The following MRPS27 variants were observed in gnomAD, a reference collection of about 807,000 sequenced individuals.
MRPS27 encodes mitochondrial ribosomal protein S27, also known as small ribosomal subunit protein mS27.
MRPS27 carries 43 observed loss-of-function variants against 48.9 expected under a neutral mutation model. That is an observed-to-expected ratio of 0.88 (90% CI 0.69 to 1.13). The LOEUF is 1.13. MRPS27 is among the 50% of genes most tolerant of loss of function. The probability of loss-of-function intolerance (pLI) is 0.00; values close to 1 mark genes in which losing one functional copy is unlikely to be tolerated. For missense variants in MRPS27, 467 were observed against 476.3 expected, an observed-to-expected ratio of 0.98 and a Z score of 0.18; for synonymous variants, 188 against 171.9, an observed-to-expected ratio of 1.09 and a Z score of -0.73.
At chr5:72,305,549 C>T (rs1053483126) in intron 2 of MRPS27, among the ~76,000 whole-genome samples, 2 of 152,188 alleles carry the variant, frequency 1.3e-5, no homozygotes, top group Non-Finnish European at 2.9e-5. Context: ...ACCAACAAAC[C>T]AAGAGAAACC....
At chr5:72,240,051 G>C (rs1036433707) in intron 4 of MRPS27, among the ~76,000 whole-genome samples, 3 of 152,198 alleles carry the variant, frequency 2.0e-5, no homozygotes, top group African/African-American at 4.8e-5. Flanking sequence ...TCATCAGCCT[G>C]TAAGTTCCTG....
At chr5:72,281,948 A>C (rs1749545545) in intron 4 of MRPS27, among the ~76,000 whole-genome samples, 1 of 152,196 alleles carries the variant, frequency 6.6e-6, no homozygotes, top group African/African-American at 2.4e-5. Flanking sequence ...CATGTGCTGT[A>C]ATGATCTGGT....
At position 72,244,826 on chromosome 5, in the gene MRPS27, T is replaced by C. The variant is rs79537321; in HGVS notation, c.282-6698A>G. Among the ~76,000 whole-genome samples, 563 of 152,226 alleles carry C rather than the reference T, an allele frequency of 3.7e-3. 1 individual carries two copies. Among genetic ancestry groups the C allele is most frequent in the African/African-American group, 0.013 (547 of 41,540 alleles). On this transcript the variant is annotated intron_variant, in intron 4 of 10. Transcript: ENST00000261413. ...ATCTTAAAGATGACATCTCTCCCTT[T>C]CTGATACAGAAAAAATACCTATAGA...
In MRPS27 at chr5:72,320,156, A is replaced by G. The variant is rs771032300; in HGVS notation, c.66T>C (p.Ser22=). The G allele has an allele frequency of 9.3e-6, 15 of 1,613,876 alleles. No homozygotes were observed. Among genetic ancestry groups the G allele is most frequent in the Middle Eastern group, 1.6e-4 (1 of 6,084 alleles). Residue 22 remains serine, a synonymous_variant, in exon 1 of 11, where the codon TCT becomes TCC. Coordinates refer to ENST00000261413, the MANE Select transcript of MRPS27 (RefSeq NM_015084.3). ...LARQVVLPQL[S]PAGKRYLLSS... is the part of the protein sequence containing the mutation. ...TGAAGCTGTCCGGCCAACCTGCAGG[A>G]GAGAGCTGAGGAAGAACCACTTGCC...
At chr5:72,226,336 C>T (rs1747896692) in intron 8 of MRPS27, 137 bp from the exon 9 acceptor site, 2 of 982,594 alleles carry the variant, frequency 2.0e-6, no homozygotes, top group African/African-American at 1.6e-5. Flanking sequence ...TCTGTACCAA[C>T]AGACTCATCT....
chr5:72,297,105 G>A (rs2112064605), intron 3 of MRPS27, among the ~76,000 whole-genome samples: 1 of 152,290 alleles, frequency 6.6e-6, no homozygotes, highest in South Asian at 2.1e-4. Flanking sequence ...ATAGGGAGCA[G>A]TGAGAATTAA....
chr5:72,263,779 G>C (rs1749041477), intron 4 of MRPS27, among the ~76,000 whole-genome samples: 1 of 152,022 alleles, frequency 6.6e-6, no homozygotes, highest in Non-Finnish European at 1.5e-5. Flanking sequence ...GGAAAGACTT[G>C]TACACTGCTG....
chr5:72,258,083 CAA>C (rs1030737219), intron 4 of MRPS27, among the ~76,000 whole-genome samples: 20 of 61,362 alleles, frequency 3.3e-4, no homozygotes, highest in South Asian at 1.8e-3. Context: ...GACTCTGTCT[CAA>C]AAAAAAAAAA....
At chr5:72,304,712 A>T (rs1002210881) in intron 2 of MRPS27, among the ~76,000 whole-genome samples, 3 of 152,248 alleles carry the variant, frequency 2.0e-5, no homozygotes, top group Non-Finnish European at 2.9e-5. Context: ...CTCTTAAAAA[A>T]GAGTGTGGTC....
chr5:72,230,649 T>G (rs921250538), intron 7 of MRPS27, among the ~76,000 whole-genome samples: 2 of 152,162 alleles, frequency 1.3e-5, no homozygotes, highest in African/African-American at 4.8e-5. Flanking sequence ...GTCTCCACAA[T>G]TGTATCTCCA....
intron 5 of MRPS27, among the ~76,000 whole-genome samples, chr5:72,237,261 C>G (rs190691807): frequency 2.0e-4 from 30 of 152,212 alleles, no homozygotes; most frequent in African/African-American, 6.3e-4. Flanking sequence ...CAGAATATTG[C>G]TCATTTTTGT....
At chr5:72,247,280 G>A (rs1748534355) in intron 4 of MRPS27, among the ~76,000 whole-genome samples, 1 of 152,060 alleles carries the variant, frequency 6.6e-6, no homozygotes, top group East Asian at 1.9e-4. Flanking sequence ...CCAGACCCCC[G>A]GAACTCCTTC....
At chr5:72,294,008 G>A (rs947101408) in intron 4 of MRPS27, among the ~76,000 whole-genome samples, 2 of 152,228 alleles carry the variant, frequency 1.3e-5, no homozygotes, top group Non-Finnish European at 2.9e-5. Context: ...TGAAGTACAA[G>A]AGGGCACTCA....
intron 2 of MRPS27, among the ~76,000 whole-genome samples, chr5:72,311,598 G>GCTA (rs1046005325): frequency 1.3e-5 from 2 of 152,166 alleles, no homozygotes; most frequent in Admixed American, 1.3e-4. Context: ...AGAGACCTGA[G>GCTA]CTAGCATGCT....
At chr5:72,295,123 T>C (rs986777474) in intron 4 of MRPS27, among the ~76,000 whole-genome samples, 1 of 152,090 alleles carries the variant, frequency 6.6e-6, no homozygotes, top group Non-Finnish European at 1.5e-5. Context: ...TACCTAACTA[T>C]TGGCCAAGCT....
chr5:72,311,958 C>G lies in MRPS27; in HGVS notation c.151+2123G>C, dbSNP rs149118010. 5.0e-3 allele frequency among the ~76,000 whole-genome samples: 762 copies of G among 152,248 alleles called. 3 individuals carry two copies. The highest frequency in any genetic ancestry group is 0.018 in the African/African-American group (735 of 41,520). ...GACCAGCCTGGCCAATAGGCAAAAC[C>G]CTGTCTCTATTAAAAATGCAAACAT... On this transcript the variant is annotated intron_variant, in intron 2 of 10. Coordinates refer to ENST00000261413, the MANE Select transcript of MRPS27 (RefSeq NM_015084.3).
chr5:72,219,789 A>G lies in MRPS27; in HGVS notation c.*1120T>C, dbSNP rs6831. On this transcript the variant is annotated 3_prime_UTR_variant, in exon 11 of 11. Coordinates refer to ENST00000261413, the MANE Select transcript of MRPS27 (RefSeq NM_015084.3). ...ATGTGTGTTCACAAGTTGTGTGTGC[A>G]TGCACATGTGCCTCTGTGTGTACAC... is the stretch of plus-strand genomic sequence containing the variant. 0.6 allele frequency: 91,591 copies of G among 152,098 alleles called. 27,823 individuals are homozygous for G. Among genetic ancestry groups the G allele is most frequent in the Middle Eastern group, 0.67 (197 of 294 alleles). The allele number at this position is 152,098 out of a possible 1,614,324, so 9.4% of individuals were successfully genotyped here.
intron 4 of MRPS27, among the ~76,000 whole-genome samples, chr5:72,262,747 T>C (rs1287514838): frequency 6.6e-6 from 1 of 151,778 alleles, no homozygotes; most frequent in African/African-American, 2.4e-5. Context: ...TGAGGTCTTT[T>C]TTTTATTATT....
intron 5 of MRPS27, among the ~76,000 whole-genome samples, chr5:72,236,220 A>G (rs1341660359): frequency 1.3e-5 from 2 of 152,144 alleles, no homozygotes; most frequent in African/African-American, 2.4e-5. Flanking sequence ...GATCAATTAA[A>G]CTAGAATTTC....
Sources: allele counts gnomAD v4.1 joint callset (sites outside exome capture counted in the v4.1 genomes callset), GRCh38; gene constraint gnomAD v4.1.1; transcripts MANE v1.5; gene names NCBI Gene and HGNC (gene_info 2026-07-23, HGNC 2026-07-21).